CD99L2: variants seen among roughly 807,000 people sequenced by gnomAD.
CD99L2 encodes the protein CD99 antigen-like protein 2.
CD99L2 carries 24 observed loss-of-function variants against 27.3 expected under a neutral mutation model. The observed-to-expected ratio is 0.88, with a 90% CI of 0.64 to 1.24. CD99L2 has a LOEUF of 1.24. Among genes scored for constraint, CD99L2 ranks in the 50% most tolerant of loss-of-function variants. CD99L2 has a pLI of 0.00. For missense variants in CD99L2, 255 were observed against 221.6 expected (o/e 1.15, Z -0.96); for synonymous variants, 97 against 87.9 (o/e 1.10, Z -0.58).
intron 1 of CD99L2, among the ~76,000 whole-genome samples, chrX:150,887,403 G>A (rs1172538783): frequency 4.6e-5 from 5 of 108,873 alleles, no homozygotes; most frequent in African/African-American, 1.7e-4. Context: ...CTGAGAGTGC[G>A]CCACTGCACT....
intron 7 of CD99L2, among the ~76,000 whole-genome samples, chrX:150,779,815 A>ATATG: frequency 8.9e-6 from 1 of 112,382 alleles, no homozygotes. Flanking sequence ...TGACTTTCTA[A>ATATG]ATATGATCCT....
At chrX:150,808,015 C>T (rs782227437) in intron 4 of CD99L2, among the ~76,000 whole-genome samples, 3 of 112,597 alleles carry the variant, frequency 2.7e-5, no homozygotes, top group Non-Finnish European at 3.7e-5. Context: ...AGGGAAAATG[C>T]TTTGAAGTAG....
intron 2 of CD99L2, among the ~76,000 whole-genome samples, chrX:150,821,807 GA>G (rs1395869794): frequency 9.0e-6 from 1 of 111,630 alleles, no homozygotes; most frequent in Non-Finnish European, 1.9e-5. Context: ...AAACGCAAAT[GA>G]AAACCACAGT....
intron 9 of CD99L2, among the ~76,000 whole-genome samples, chrX:150,775,071 G>A (rs782371986): frequency 1.8e-5 from 2 of 112,662 alleles, no homozygotes; most frequent in Non-Finnish European, 3.8e-5. Flanking sequence ...TGTTCTACAA[G>A]AGTGAAGCAA....
chrX:150,891,791 A>C (rs1292097766), intron 1 of CD99L2, among the ~76,000 whole-genome samples: 1 of 102,254 alleles, frequency 9.8e-6, no homozygotes, highest in African/African-American at 3.5e-5. Context: ...TTTTGCATGC[A>C]AACCAACATT....
At chrX:150,827,822 G>C (rs1451908840) in intron 2 of CD99L2, among the ~76,000 whole-genome samples, 1 of 111,595 alleles carries the variant, frequency 9.0e-6, no homozygotes, top group Non-Finnish European at 1.9e-5. Context: ...TATGGTGTGA[G>C]GTAACGGTCC....
intron 2 of CD99L2, among the ~76,000 whole-genome samples, chrX:150,821,721 T>C (rs2046245256): frequency 8.9e-6 from 1 of 112,257 alleles, no homozygotes; most frequent in African/African-American, 3.2e-5. Context: ...AAAGACAATC[T>C]ACAAAATAGG....
At chrX:150,806,976 T>C (rs1189456132) in intron 4 of CD99L2, among the ~76,000 whole-genome samples, 1 of 111,718 alleles carries the variant, frequency 9.0e-6, no homozygotes, top group Non-Finnish European at 1.9e-5. Flanking sequence ...AGCTTGTTCC[T>C]TCCTATGGCC....
intron 9 of CD99L2, among the ~76,000 whole-genome samples, chrX:150,774,348 G>A (rs1405857900): frequency 9.0e-6 from 1 of 111,446 alleles, no homozygotes; most frequent in Non-Finnish European, 1.9e-5. Flanking sequence ...GCTCTGAGTT[G>A]TTCTCCCAAA....
chrX:150,778,688 AT>A (rs1569565878), intron 7 of CD99L2, among the ~76,000 whole-genome samples: 30 of 17,969 alleles, frequency 1.7e-3, no homozygotes, highest in Middle Eastern at 0.043. Context: ...AAAAAAAAAT[AT>A]ATATATATAT....
chrX:150,804,272 T>C (rs1018742959), intron 4 of CD99L2, among the ~76,000 whole-genome samples: 41 of 112,312 alleles, frequency 3.7e-4, no homozygotes, highest in African/African-American at 1.3e-3. Flanking sequence ...AATTCACAAA[T>C]GTGTGGAAAT....
chrX:150,802,726 C>A (rs1273196796), intron 4 of CD99L2, among the ~76,000 whole-genome samples: 2 of 97,196 alleles, frequency 2.1e-5, no homozygotes, highest in Non-Finnish European at 4.1e-5. Flanking sequence ...GGACTACAGG[C>A]ACCTGCCACC....
chrX:150,795,289 C>G lies in CD99L2; in HGVS notation c.347G>C (p.Gly116Ala). Residue 116 changes from glycine to alanine, a missense_variant and splice_region_variant, in exon 6 of 11, where the codon GGA (glycine) becomes GCA (alanine). Gly to Ala is a moderately conservative substitution (Grantham distance 60). Coordinates refer to ENST00000370377, the MANE Select transcript of CD99L2 (RefSeq NM_031462.4). Reference protein sequence around the residue: ...VTTRAPANTLGNDFDLADALD... With the variant: ...VTTRAPANTLANDFDLADALD... ...GGCATCAGCCAAGTCAAAATCATTT[C>G]CTTCATGGGGTCCCAAAATAAAAGA... 1 of 1,211,664 alleles carries G rather than the reference C, an allele frequency of 8.3e-7. No individual in the cohort carries two copies. Among genetic ancestry groups the G allele is most frequent in the Non-Finnish European group, 1.1e-6 (1 of 895,320 alleles).
chrX:150,895,295 A>G (rs2047588303), intron 1 of CD99L2, among the ~76,000 whole-genome samples: 1 of 111,857 alleles, frequency 8.9e-6, no homozygotes, highest in Non-Finnish European at 1.9e-5. Context: ...GGAGGCACAT[A>G]CAGGCAGCAT....
At chrX:150,794,660 C>A (rs782411663) in intron 6 of CD99L2, among the ~76,000 whole-genome samples, 1 of 111,829 alleles carries the variant, frequency 8.9e-6, no homozygotes, top group African/African-American at 3.3e-5. Context: ...GTGTCCTATC[C>A]GAGAAGATTA....
chrX:150,860,670 T>C (rs1557421884), intron 1 of CD99L2, among the ~76,000 whole-genome samples: 1 of 111,529 alleles, frequency 9.0e-6, no homozygotes, highest in Non-Finnish European at 1.9e-5. Flanking sequence ...TATACACAAA[T>C]AATGAAACAA....
chrX:150,892,605 C>CAAAAAAAAA (rs782464097), intron 1 of CD99L2, among the ~76,000 whole-genome samples: 1 of 30,196 alleles, frequency 3.3e-5, no homozygotes, highest in Non-Finnish European at 5.9e-5. Context: ...GACTCTGTCT[C>CAAAAAAAAA]AAAAAAAAAA....
chrX:150,839,003 T>C (rs1372024633), intron 1 of CD99L2, among the ~76,000 whole-genome samples: 1 of 102,888 alleles, frequency 9.7e-6, no homozygotes, highest in Non-Finnish European at 2.0e-5. Flanking sequence ...ATTGATAAAA[T>C]GTACATTTAA....
chrX:150,792,503 C>T (rs923114379), intron 7 of CD99L2, among the ~76,000 whole-genome samples: 42 of 111,959 alleles, frequency 3.8e-4, no homozygotes, highest in African/African-American at 1.3e-3. Flanking sequence ...AAAGGTGTTT[C>T]GAAGGATAAA....
Sources: gnomAD v4.1 joint callset for allele counts (sites outside exome capture counted in the v4.1 genomes callset) on GRCh38, gnomAD v4.1.1 for gene constraint, MANE v1.5 for transcripts, NCBI Gene and HGNC (gene_info 2026-07-23, HGNC 2026-07-21) for gene names.